The following CNTLN variants were observed in gnomAD, a reference collection of about 807,000 sequenced individuals.
CNTLN encodes the protein centlein, also known as centlein, centrosomal protein.
CNTLN carries 212 observed loss-of-function variants against 180.0 expected under a neutral mutation model. That is an observed-to-expected ratio of 1.18 (90% CI 1.05 to 1.32). CNTLN has a LOEUF of 1.32. CNTLN is among the 40% of genes most tolerant of loss of function. The pLI, the probability that CNTLN is intolerant of heterozygous loss-of-function variation, is 0.00. For synonymous variants in CNTLN, 722 were observed against 563.1 expected, an observed-to-expected ratio of 1.28 and a Z score of -3.99; for missense variants, 2,095 against 1,610.9, an observed-to-expected ratio of 1.30 and a Z score of -5.14.
At chr9:17,520,321 G>T in the CNTLN span, among the ~76,000 whole-genome samples, 1 of 152,182 alleles carries the variant, frequency 6.6e-6, no homozygotes, top group Non-Finnish European at 1.5e-5. Flanking sequence ...AAGGAATTAG[G>T]GTTATACATA....
the CNTLN span, among the ~76,000 whole-genome samples, chr9:17,528,148 C>G: frequency 6.6e-6 from 1 of 152,020 alleles, no homozygotes; most frequent in Non-Finnish European, 1.5e-5. Context: ...TGGGGAAAAC[C>G]CCCTACTCCT....
intron 2 of CNTLN, among the ~76,000 whole-genome samples, chr9:17,155,643 G>C (rs1819226706): frequency 6.6e-6 from 1 of 152,158 alleles, no homozygotes; most frequent in Non-Finnish European, 1.5e-5. Flanking sequence ...GTGGATCTCA[G>C]ATTGCTGCTG....
chr9:17,183,889 A>T (rs183641520), intron 2 of CNTLN, among the ~76,000 whole-genome samples: 1 of 152,206 alleles, frequency 6.6e-6, no homozygotes, highest in African/African-American at 2.4e-5. Context: ...ATATTCAGAT[A>T]TAGTTATATT....
intron 5 of CNTLN, among the ~76,000 whole-genome samples, chr9:17,247,803 T>C (rs1188676674): frequency 6.6e-6 from 1 of 150,416 alleles, no homozygotes; most frequent in East Asian, 1.9e-4. Flanking sequence ...TTTGCATCTA[T>C]TGAAATGATC....
chr9:17,420,178 G>C (rs1274810566), intron 18 of CNTLN, among the ~76,000 whole-genome samples: 1 of 152,184 alleles, frequency 6.6e-6, no homozygotes, highest in African/African-American at 2.4e-5. Context: ...GCCTCCCAAA[G>C]TGTAGCCATT....
downstream of CNTLN, among the ~76,000 whole-genome samples, chr9:17,508,540 C>CAATA (rs572291650): frequency 1.4e-3 from 212 of 152,304 alleles, 1 homozygote; most frequent in African/African-American, 5.0e-3. Context: ...AGCACAAAGA[C>CAATA]TATTCCTCAT....
rs540326541 is a variant in CNTLN, at chr9:17,240,379, C to T, written c.849+3791C>T. 5.9e-5 allele frequency among the ~76,000 whole-genome samples: 9 copies of T among 151,976 alleles called. No individual in the cohort carries two copies. In the East Asian group the frequency reaches 1.4e-3, roughly 23 times the overall value. On this transcript the variant is annotated intron_variant, in intron 5 of 25. Coordinates refer to ENST00000380647, the MANE Select transcript of CNTLN (RefSeq NM_017738.4). ...TTAGTAAATTCCTTAAGACTTTCTACGTATCATATCATGACAGCTGCAAGT... is the reference window on the plus strand; with the variant it reads ...TTAGTAAATTCCTTAAGACTTTCTATGTATCATATCATGACAGCTGCAAGT...
At chr9:17,395,399 A>T (rs1357353275) in intron 15 of CNTLN, among the ~76,000 whole-genome samples, 1 of 152,110 alleles carries the variant, frequency 6.6e-6, no homozygotes, top group Non-Finnish European at 1.5e-5. Context: ...CCCTTTGCAT[A>T]TTCACCACTG....
chr9:17,321,231 GTTAA>G (rs1194042197), intron 8 of CNTLN, among the ~76,000 whole-genome samples: 1 of 152,148 alleles, frequency 6.6e-6, no homozygotes, highest in East Asian at 1.9e-4. Context: ...TGCCCACTTT[GTTAA>G]TACTTTCTAG....
At chr9:17,459,530 A>T (rs1319405985) in intron 19 of CNTLN, among the ~76,000 whole-genome samples, 1 of 151,856 alleles carries the variant, frequency 6.6e-6, no homozygotes, top group Non-Finnish European at 1.5e-5. Context: ...TTAAGTACAT[A>T]ATATTGTCTA....
chr9:17,295,823 C>G (rs1211522802), intron 6 of CNTLN, among the ~76,000 whole-genome samples: 1 of 152,116 alleles, frequency 6.6e-6, no homozygotes, highest in South Asian at 2.1e-4. Flanking sequence ...AACATATCTA[C>G]ATAGTATAAG....
chr9:17,467,068 G>A (rs1210224201), intron 23 of CNTLN, among the ~76,000 whole-genome samples, 177 bp downstream of exon 23: 3 of 151,402 alleles, frequency 2.0e-5, no homozygotes, highest in African/African-American at 7.3e-5. Context: ...TATTTTTATA[G>A]TTTGAATTTA....
chr9:17,168,397 A>C (rs1372243845), intron 2 of CNTLN: 1 of 152,214 alleles, frequency 6.6e-6, no homozygotes, highest in Non-Finnish European at 1.5e-5. Flanking sequence ...CAAATTTAAG[A>C]AATAAGTAAT....
At chr9:17,191,298 G>A (rs1331603485) in intron 2 of CNTLN, among the ~76,000 whole-genome samples, 1 of 152,180 alleles carries the variant, frequency 6.6e-6, no homozygotes, top group African/African-American at 2.4e-5. Flanking sequence ...CCAGCTTCAT[G>A]ATGCCATGCA....
At chr9:17,415,677 A>C (rs1828166275) in intron 16 of CNTLN, 111 bp from the exon 17 acceptor site, 2 of 773,226 alleles carry the variant, frequency 2.6e-6, no homozygotes, top group Admixed American at 2.6e-5. Flanking sequence ...GACTTAAAAA[A>C]AATTCTGCAT....
intron 14 of CNTLN, among the ~76,000 whole-genome samples, chr9:17,390,300 G>A (rs1826009805): frequency 1.5e-5 from 2 of 130,574 alleles, no homozygotes; most frequent in African/African-American, 5.7e-5. Context: ...AGTACAGTGG[G>A]CAGTGTTGGC....
chr9:17,436,272 C>G (rs1452718204), intron 18 of CNTLN, among the ~76,000 whole-genome samples: 1 of 152,200 alleles, frequency 6.6e-6, no homozygotes, highest in East Asian at 1.9e-4. Flanking sequence ...CCCCTACCGT[C>G]TGAGTCAGAT....
At chr9:17,258,116 A>T in intron 5 of CNTLN, among the ~76,000 whole-genome samples, 1 of 148,578 alleles carries the variant, frequency 6.7e-6, no homozygotes, top group Admixed American at 6.7e-5. Flanking sequence ...TTTAGGTCTA[A>T]CGTTTAAGTC....
At position 17,463,034 on chromosome 9, in the gene CNTLN, T is replaced by G. The variant is rs79969013; in HGVS notation, c.3404+21T>G. On this transcript the variant is annotated intron_variant, in intron 20 of 25. Coordinates refer to ENST00000380647, the MANE Select transcript of CNTLN (RefSeq NM_017738.4). ...GAAAAGTATGGTTTTTGTATTTCTA[T>G]CCATTGTATTTGGTGCCACCTAGTG... 7,824 of 1,480,870 alleles carry G rather than the reference T, an allele frequency of 5.3e-3. 335 individuals are homozygous for G. In the African/African-American group the frequency reaches 0.098, roughly 19 times the overall value. 91.7% of individuals were successfully genotyped at this position (1,480,870 alleles called of 1,614,324 possible). A position where few individuals can be genotyped will look rare whatever the true frequency, so the allele number is the denominator to read the frequency against.
Sources: gnomAD v4.1 joint callset for allele counts (sites outside exome capture counted in the v4.1 genomes callset) on GRCh38, gnomAD v4.1.1 for gene constraint, MANE v1.5 for transcripts, NCBI Gene and HGNC (gene_info 2026-07-23, HGNC 2026-07-21) for gene names.